The following BBS9 variants were observed in gnomAD, a reference collection of about 807,000 sequenced individuals.
BBS9 encodes Bardet-Biedl syndrome 9.
In BBS9, 89 loss-of-function variants were observed where a neutral mutation model predicts 117.7. The observed-to-expected ratio is 0.76, with a 90% CI of 0.64 to 0.90. The LOEUF is 0.90. Ranked by LOEUF, BBS9 falls within the 40% of genes least tolerant of loss-of-function variation. The pLI, the probability that BBS9 is intolerant of heterozygous loss-of-function variation, is 0.00. For missense variants in BBS9, 982 were observed against 1,042.2 expected (o/e 0.94, Z 0.80); for synonymous variants, 379 against 370.9 (o/e 1.02, Z -0.25).
At chr7:33,384,825 T>C (rs1462234259) in intron 18 of BBS9, among the ~76,000 whole-genome samples, 39 of 152,106 alleles carry the variant, frequency 2.6e-4, no homozygotes, top group Non-Finnish European at 1.5e-5. Context: ...TTTAATGTAG[T>C]GTGAACATAA....
At chr7:33,448,271 C>T (rs1356575465) in intron 19 of BBS9, among the ~76,000 whole-genome samples, 1 of 152,192 alleles carries the variant, frequency 6.6e-6, no homozygotes, top group Admixed American at 6.5e-5. Context: ...CTCTCCCTCC[C>T]TTGTTTCCTA....
At chr7:33,452,336 C>G (rs1264137743) in intron 19 of BBS9, among the ~76,000 whole-genome samples, 1 of 152,074 alleles carries the variant, frequency 6.6e-6, no homozygotes, top group Non-Finnish European at 1.5e-5. Context: ...CCAAGTTTGT[C>G]CTTCCACAAT....
chr7:33,130,877 CTTATAT>C (rs1789493975), intron 1 of BBS9, among the ~76,000 whole-genome samples: 1 of 152,102 alleles, frequency 6.6e-6, no homozygotes, highest in Middle Eastern at 3.4e-3. Flanking sequence ...CAACTATACA[CTTATAT>C]TTATGGTACA....
At chr7:33,623,454 G>T (rs1311451893) in intron 21 of BBS9, among the ~76,000 whole-genome samples, 1 of 152,042 alleles carries the variant, frequency 6.6e-6, no homozygotes, top group Non-Finnish European at 1.5e-5. Flanking sequence ...CAACTGTTTT[G>T]GCCAAGAGTT....
intron 19 of BBS9, among the ~76,000 whole-genome samples, chr7:33,492,221 A>C (rs376930290): frequency 6.1e-5 from 9 of 148,622 alleles, no homozygotes; most frequent in South Asian, 2.2e-4. Flanking sequence ...AAACAAAAAA[A>C]AAACAAAAAA....
At chr7:33,180,925 C>T (rs79786975) in intron 5 of BBS9, among the ~76,000 whole-genome samples, 2,168 of 152,160 alleles carry the variant, frequency 0.014, 57 homozygotes, top group African/African-American at 0.049. Flanking sequence ...GTGCACAGAG[C>T]GAGGTAAGAA....
chr7:33,230,205 A>G (rs1436192491), intron 5 of BBS9, among the ~76,000 whole-genome samples: 1 of 152,114 alleles, frequency 6.6e-6, no homozygotes, highest in Admixed American at 6.6e-5. Context: ...CCTGTAGGCT[A>G]CCATTTCGTT....
intron 5 of BBS9, among the ~76,000 whole-genome samples, chr7:33,230,306 T>C (rs973126671): frequency 6.6e-6 from 1 of 152,180 alleles, no homozygotes; most frequent in Admixed American, 6.5e-5. Flanking sequence ...TTTGGTGTGA[T>C]TTCCAAGAAA....
intron 5 of BBS9, among the ~76,000 whole-genome samples, chr7:33,206,613 C>T (rs1786977181): frequency 6.6e-6 from 1 of 152,052 alleles, no homozygotes; most frequent in Admixed American, 6.6e-5. Context: ...TTTCCCTGAA[C>T]AGTGTGAAAG....
intron 20 of BBS9, among the ~76,000 whole-genome samples, chr7:33,518,267 T>C (rs1848100365): frequency 7.6e-6 from 1 of 131,428 alleles, no homozygotes; most frequent in African/African-American, 2.9e-5. Context: ...TTTTTTTTTT[T>C]TTGAGATGGA....
chr7:33,155,632 T>C lies in BBS9; in HGVS notation c.264-6T>C, dbSNP rs1793982028. On this transcript the variant is annotated splice_region_variant and splice_polypyrimidine_tract_variant and intron_variant, in intron 3 of 22. Transcript: ENST00000242067. ...GAAAACTTTAAAAACTTTCTCTGTT[T>C]TTCAGAGGTACCGAAATGCTACATT... 1 of 1,593,118 alleles carries C rather than the reference T, an allele frequency of 6.3e-7. No individual in the cohort carries two copies. Among genetic ancestry groups the C allele is most frequent in the Non-Finnish European group, 8.6e-7 (1 of 1,162,452 alleles).
chr7:33,271,207 A>G (rs999952817), intron 7 of BBS9, among the ~76,000 whole-genome samples: 5 of 152,236 alleles, frequency 3.3e-5, no homozygotes, highest in Non-Finnish European at 7.3e-5. Context: ...AGCTCCTGAA[A>G]GAAGCACTAA....
At chr7:33,552,258 C>G (rs910678094) in intron 21 of BBS9, among the ~76,000 whole-genome samples, 2 of 152,200 alleles carry the variant, frequency 1.3e-5, no homozygotes, top group African/African-American at 4.8e-5. Context: ...TTCCACATCT[C>G]TAGAATCTAA....
At chr7:33,276,975 TGTG>T in intron 9 of BBS9, 1 of 240,030 alleles carries the variant, frequency 4.2e-6, no homozygotes, top group Non-Finnish European at 9.0e-6. Context: ...AGAAGGGGTC[TGTG>T]GTGGTGGAGA....
chr7:33,190,061 T>C (rs1380509679), intron 5 of BBS9, among the ~76,000 whole-genome samples: 1 of 151,698 alleles, frequency 6.6e-6, no homozygotes, highest in Non-Finnish European at 1.5e-5. Flanking sequence ...CTTAAACTTA[T>C]TTGCTTTCCT....
intron 9 of BBS9, among the ~76,000 whole-genome samples, chr7:33,301,643 T>C (rs1361675017): frequency 6.6e-6 from 1 of 152,202 alleles, no homozygotes; most frequent in Non-Finnish European, 1.5e-5. Context: ...TTCTATTGTG[T>C]ATAGGTACCA....
intron 11 of BBS9, among the ~76,000 whole-genome samples, chr7:33,343,374 T>C (rs1816909738): frequency 1.3e-5 from 2 of 152,226 alleles, no homozygotes. Context: ...TATTATACTA[T>C]GTATTCTTTA....
chr7:33,634,178 GA>G (rs901045585), intron 21 of BBS9, among the ~76,000 whole-genome samples: 29 of 152,322 alleles, frequency 1.9e-4, no homozygotes, highest in Middle Eastern at 3.4e-3. Flanking sequence ...CCTCCCCCAG[GA>G]GTGCCTGAGC....
intron 4 of BBS9, among the ~76,000 whole-genome samples, chr7:33,170,370 G>A (rs1186797712): frequency 6.7e-6 from 1 of 148,614 alleles, no homozygotes; most frequent in East Asian, 2.0e-4. Context: ...TATCTCAATA[G>A]ATGCAGAAAA....
Sources: gnomAD v4.1 joint callset for allele counts (sites outside exome capture counted in the v4.1 genomes callset) on GRCh38, gnomAD v4.1.1 for gene constraint, MANE v1.5 for transcripts, NCBI Gene and HGNC (gene_info 2026-07-23, HGNC 2026-07-21) for gene names.